AHI1: variants seen among roughly 807,000 people sequenced by gnomAD.
AHI1 encodes the protein Abelson helper integration site 1.
In AHI1, 123 loss-of-function variants were observed where a neutral mutation model predicts 149.3. The observed-to-expected ratio is 0.82, with a 90% CI of 0.71 to 0.96. The LOEUF (loss-of-function observed/expected upper bound fraction) is 0.96, where lower values mean the gene tolerates loss of function less well. Among genes scored for constraint, AHI1 ranks in the 40% least tolerant of loss-of-function variants. AHI1 has a pLI of 0.00. For synonymous variants in AHI1, 475 were observed against 459.8 expected (o/e 1.03, Z -0.42); for missense variants, 1,439 against 1,422.7 (o/e 1.01, Z -0.18).
In AHI1 at chr6:135,339,881, G is replaced by A. The variant is rs182909996; in HGVS notation, c.3166-16557C>T. Among the ~76,000 whole-genome samples the A allele has an allele frequency of 2.5e-3, 383 of 152,212 alleles. 5 individuals carry two copies. The highest frequency in any genetic ancestry group is 8.5e-3 in the African/African-American group (351 of 41,520). ...GACAAATCATGGTCAAATGACTGAA[G>A]GCCAAAGATAGGATCTCAAAAGCAA... On this transcript the variant is annotated intron_variant, in intron 24 of 28. Transcript: ENST00000265602.
At chr6:135,396,139 C>T (rs1423562405) in intron 22 of AHI1, among the ~76,000 whole-genome samples, 1 of 151,682 alleles carries the variant, frequency 6.6e-6, no homozygotes, top group Non-Finnish European at 1.5e-5. Flanking sequence ...TTTAAAGTAA[C>T]TAAACTATTA....
At chr6:135,347,563 A>G (rs759276796) in intron 24 of AHI1, among the ~76,000 whole-genome samples, 7 of 152,170 alleles carry the variant, frequency 4.6e-5, no homozygotes, top group Non-Finnish European at 8.8e-5. Context: ...GGTGATGATA[A>G]TAATAATTTA....
chr6:135,467,494 A>G, intron 6 of AHI1, 87 bp downstream of exon 6: 2 of 1,107,242 alleles, frequency 1.8e-6, no homozygotes, highest in Non-Finnish European at 2.7e-6. Context: ...CAGAATGGAC[A>G]AAAACCATTG....
At chr6:135,303,734 A>T (rs1228541455) in intron 26 of AHI1, among the ~76,000 whole-genome samples, 1 of 152,224 alleles carries the variant, frequency 6.6e-6, no homozygotes, top group Non-Finnish European at 1.5e-5. Context: ...TATTTTCAAT[A>T]CAATTTTATT....
intron 11 of AHI1, among the ~76,000 whole-genome samples, chr6:135,449,785 T>C (rs1787814325): frequency 6.6e-6 from 1 of 152,224 alleles, no homozygotes; most frequent in African/African-American, 2.4e-5. Context: ...TGCTAACCAA[T>C]ACGGAATCCA....
chr6:135,487,014 C>T (rs895509784), intron 5 of AHI1, among the ~76,000 whole-genome samples: 4 of 152,160 alleles, frequency 2.6e-5, no homozygotes, highest in Admixed American at 2.0e-4. Flanking sequence ...AATTCTCCCA[C>T]CTTGGATTTC....
At chr6:135,403,567 C>T (rs1220515761) in intron 22 of AHI1, among the ~76,000 whole-genome samples, 1 of 152,134 alleles carries the variant, frequency 6.6e-6, no homozygotes, top group Non-Finnish European at 1.5e-5. Context: ...TCTGGACATT[C>T]AGACAGCATT....
chr6:135,451,741 A>G (rs551101220), intron 11 of AHI1, among the ~76,000 whole-genome samples: 2 of 152,232 alleles, frequency 1.3e-5, no homozygotes, highest in Non-Finnish European at 2.9e-5. Context: ...TGCAACTTAC[A>G]GTAAATTCTG....
intron 5 of AHI1, among the ~76,000 whole-genome samples, chr6:135,468,071 G>C (rs977191538): frequency 1.3e-5 from 2 of 152,026 alleles, no homozygotes; most frequent in African/African-American, 2.4e-5. Flanking sequence ...ATAAAAAGGT[G>C]ATTTAAAAAA....
At chr6:135,489,882 A>G (rs17064584) in intron 5 of AHI1, 3,567 of 265,650 alleles carry the variant, frequency 0.013, 128 homozygotes, top group African/African-American at 0.073. Flanking sequence ...ATAACTCATT[A>G]TAAAACTCCT....
At chr6:135,330,043 A>G (rs935806583) in intron 24 of AHI1, among the ~76,000 whole-genome samples, 7 of 152,242 alleles carry the variant, frequency 4.6e-5, no homozygotes, top group African/African-American at 1.7e-4. Context: ...ATGAACAAAG[A>G]AAGTGGTTTC....
At position 135,490,964 on chromosome 6, in the gene AHI1, C is replaced by T. The variant is rs1237886960; in HGVS notation, c.11-217G>A. ...TCCCTCTGACCTTTTTGGCCACTCACTCTAAAAGTCTCCTTTGCTAAGTTA... is the reference window on the plus strand; with the variant it reads ...TCCCTCTGACCTTTTTGGCCACTCATTCTAAAAGTCTCCTTTGCTAAGTTA... On this transcript the variant is annotated intron_variant, in intron 4 of 28. Coordinates refer to ENST00000265602, the MANE Select transcript of AHI1 (RefSeq NM_001134831.2). Among the ~76,000 whole-genome samples, 5 of 152,156 alleles carry T rather than the reference C, an allele frequency of 3.3e-5. No homozygotes were observed. In the South Asian group the frequency reaches 8.3e-4, roughly 25 times the overall value.
At chr6:135,330,754 A>C (rs1788459773) in intron 24 of AHI1, among the ~76,000 whole-genome samples, 1 of 152,192 alleles carries the variant, frequency 6.6e-6, no homozygotes, top group South Asian at 2.1e-4. Context: ...GAAGGACAAA[A>C]ACAGCGTGGC....
chr6:135,332,090 G>A (rs980560573), intron 24 of AHI1, among the ~76,000 whole-genome samples: 2 of 139,642 alleles, frequency 1.4e-5, no homozygotes, highest in Non-Finnish European at 3.1e-5. Flanking sequence ...TTTTTTTTCA[G>A]ACGGAGTCTC....
chr6:135,421,514 G>A (rs753792341), intron 20 of AHI1, among the ~76,000 whole-genome samples: 12 of 152,058 alleles, frequency 7.9e-5, no homozygotes, highest in Non-Finnish European at 1.6e-4. Flanking sequence ...CAAAACAAGT[G>A]CAGAAAGGTA....
chr6:135,402,345 T>C (rs1029960245), intron 22 of AHI1, among the ~76,000 whole-genome samples: 1 of 152,190 alleles, frequency 6.6e-6, no homozygotes, highest in Non-Finnish European at 1.5e-5. Context: ...TGAGAATATA[T>C]ATCCACACCA....
chr6:135,432,279 T>C (rs1207321941), intron 16 of AHI1, among the ~76,000 whole-genome samples: 2 of 152,204 alleles, frequency 1.3e-5, no homozygotes, highest in African/African-American at 4.8e-5. Flanking sequence ...AAAGTGACTA[T>C]TTAATAGATA....
At chr6:135,481,643 C>T (rs997826597) in intron 5 of AHI1, among the ~76,000 whole-genome samples, 5 of 150,126 alleles carry the variant, frequency 3.3e-5, no homozygotes, top group Non-Finnish European at 7.4e-5. Flanking sequence ...TTCTATATCA[C>T]GTTTACTATT....
chr6:135,379,930 TCC>T, intron 23 of AHI1, among the ~76,000 whole-genome samples: 1 of 80,648 alleles, frequency 1.2e-5, no homozygotes. Context: ...CCTCCCTCCC[TCC>T]CCCAACTCCC....
Sources: gnomAD v4.1 joint callset for allele counts (sites outside exome capture counted in the v4.1 genomes callset) on GRCh38, gnomAD v4.1.1 for gene constraint, MANE v1.5 for transcripts, NCBI Gene and HGNC (gene_info 2026-07-23, HGNC 2026-07-21) for gene names.